LRIG1: variants seen among roughly 807,000 people sequenced by gnomAD.
LRIG1 encodes leucine rich repeats and immunoglobulin like domains 1.
LRIG1 carries 48 observed loss-of-function variants against 99.2 expected under a neutral mutation model. The observed-to-expected ratio is 0.48, with a 90% CI of 0.38 to 0.62. LRIG1 has a LOEUF of 0.62. LRIG1 is among the 20% of genes least tolerant of loss of function. LRIG1 has a pLI of 0.00. For missense variants in LRIG1, 1,646 were observed against 1,434.4 expected (o/e 1.15, Z -2.38); for synonymous variants, 772 against 596.1 (o/e 1.29, Z -4.30).
intron 1 of LRIG1, among the ~76,000 whole-genome samples, chr3:66,475,696 G>A (rs1700706511): frequency 6.6e-6 from 1 of 152,290 alleles, no homozygotes; most frequent in South Asian, 2.1e-4. Flanking sequence ...CATAAGCACA[G>A]GGAGAAAACC....
At chr3:66,435,496 G>A (rs117578317) in intron 3 of LRIG1, among the ~76,000 whole-genome samples, 39 of 152,262 alleles carry the variant, frequency 2.6e-4, no homozygotes, top group Admixed American at 5.9e-4. Context: ...GAAGAATCAC[G>A]TAAACCTGGA....
At chr3:66,422,563 T>C (rs1006296059) in intron 3 of LRIG1, among the ~76,000 whole-genome samples, 6 of 152,220 alleles carry the variant, frequency 3.9e-5, no homozygotes, top group Non-Finnish European at 5.9e-5. Context: ...CTGGACATTA[T>C]TGTTCATGTC....
intron 1 of LRIG1, among the ~76,000 whole-genome samples, chr3:66,478,106 C>T (rs548370157): frequency 2.0e-5 from 3 of 152,214 alleles, no homozygotes; most frequent in Admixed American, 1.3e-4. Context: ...AATCCTATCA[C>T]CTCCACCATC....
chr3:66,483,805 G>A (rs1700905318), intron 1 of LRIG1, among the ~76,000 whole-genome samples: 4 of 150,764 alleles, frequency 2.7e-5, no homozygotes, highest in Non-Finnish European at 5.9e-5. Context: ...GGGCACCGCG[G>A]GCTCCCTCGC....
chr3:66,489,617 A>G (rs1228377568), intron 1 of LRIG1, among the ~76,000 whole-genome samples: 2 of 152,152 alleles, frequency 1.3e-5, no homozygotes, highest in Non-Finnish European at 2.9e-5. Flanking sequence ...TTTAATTCTT[A>G]CCATCCAATG....
At chr3:66,460,868 G>A (rs9810656) in intron 2 of LRIG1, among the ~76,000 whole-genome samples, 3,820 of 152,264 alleles carry the variant, frequency 0.025, 167 homozygotes, top group African/African-American at 0.085. Flanking sequence ...AACTGTGGAA[G>A]CCTAAACCTT....
intron 2 of LRIG1, among the ~76,000 whole-genome samples, chr3:66,459,876 A>C (rs1489383885): frequency 6.6e-6 from 1 of 152,230 alleles, no homozygotes; most frequent in African/African-American, 2.4e-5. Context: ...TCAAGACAAA[A>C]TCAGCAACAG....
chr3:66,435,231 G>GA (rs1195279824), intron 3 of LRIG1, among the ~76,000 whole-genome samples: 2 of 152,036 alleles, frequency 1.3e-5, no homozygotes, highest in Non-Finnish European at 2.9e-5. Context: ...AACTCTAAAT[G>GA]AAAAAACTAC....
intron 3 of LRIG1, among the ~76,000 whole-genome samples, chr3:66,430,850 A>G (rs1703147872): frequency 6.6e-6 from 1 of 152,168 alleles, no homozygotes; most frequent in South Asian, 2.1e-4. Context: ...GCTTTTGCTC[A>G]GGGCCAACAT....
At chr3:66,410,488 C>T (rs138493482) in intron 6 of LRIG1, among the ~76,000 whole-genome samples, 31 of 152,272 alleles carry the variant, frequency 2.0e-4, no homozygotes, top group African/African-American at 4.3e-4. Context: ...ATGCCAAGGC[C>T]GACTCGAGTG....
intron 9 of LRIG1, among the ~76,000 whole-genome samples, chr3:66,402,449 G>A (rs1430646665): frequency 2.0e-5 from 3 of 152,174 alleles, no homozygotes; most frequent in Non-Finnish European, 2.9e-5. Context: ...AAAAATTAAG[G>A]GCAGGTCAGC....
At chr3:66,485,318 G>A (rs1403343932) in intron 1 of LRIG1, among the ~76,000 whole-genome samples, 5 of 152,106 alleles carry the variant, frequency 3.3e-5, no homozygotes, top group African/African-American at 9.7e-5. Context: ...ATCTTACAGA[G>A]CCACAAATCC....
intron 1 of LRIG1, among the ~76,000 whole-genome samples, chr3:66,495,672 A>C (rs1348562036): frequency 6.6e-6 from 1 of 152,222 alleles, no homozygotes; most frequent in Non-Finnish European, 1.5e-5. Flanking sequence ...GCCACTTTTT[A>C]AATAACTATA....
intron 2 of LRIG1, among the ~76,000 whole-genome samples, chr3:66,453,179 G>T (rs1051380774): frequency 1.3e-5 from 2 of 152,192 alleles, no homozygotes; most frequent in Non-Finnish European, 2.9e-5. Flanking sequence ...TTTTATCAGA[G>T]CAAGAAAAAC....
Position 66,383,350 on chromosome 3 carries a change from T to C in LRIG1, c.2123A>G (p.Glu708Gly). Residue 708 changes from glutamate (E) to glycine (G), a missense_variant, in exon 15 of 19, where the codon GAA becomes GGA. Physicochemically the swap from Glu to Gly is moderately conservative, Grantham distance 98. Coordinates refer to ENST00000273261, the MANE Select transcript of LRIG1 (RefSeq NM_015541.3). ...GGCTTTGCATTGGAGGGCCACTGTT[T>C]CTCCCACAGATACCACACGGTCTTC... ...PLEDRVVSVG[E>G]TVALQCKATG... is the part of the protein sequence containing the mutation. 2.5e-6 allele frequency: 4 copies of C among 1,590,436 alleles called. No homozygotes were observed. The highest frequency in any genetic ancestry group is 3.4e-6 in the Non-Finnish European group (4 of 1,163,686).
intron 3 of LRIG1, among the ~76,000 whole-genome samples, chr3:66,442,882 A>G (rs951689765): frequency 1.3e-5 from 2 of 152,042 alleles, no homozygotes; most frequent in African/African-American, 2.4e-5. Context: ...CCCCAACCCC[A>G]CAGCTGGTGT....
intron 3 of LRIG1, among the ~76,000 whole-genome samples, chr3:66,435,803 A>C (rs1703336497): frequency 6.6e-6 from 1 of 151,540 alleles, no homozygotes; most frequent in African/African-American, 2.4e-5. Flanking sequence ...TTACAACTGC[A>C]TGTGAATCAA....
At chr3:66,426,693 C>T (rs1017881452) in intron 3 of LRIG1, among the ~76,000 whole-genome samples, 1 of 152,212 alleles carries the variant, frequency 6.6e-6, no homozygotes, top group Non-Finnish European at 1.5e-5. Flanking sequence ...AGGTTCCTTA[C>T]TGGAGCCAGT....
chr3:66,387,490 G>A (rs1701433386), intron 12 of LRIG1: 1 of 152,046 alleles, frequency 6.6e-6, no homozygotes. Flanking sequence ...TAAACAAGCA[G>A]GGACTTAAGG....
Sources: allele counts gnomAD v4.1 joint callset (sites outside exome capture counted in the v4.1 genomes callset), GRCh38; gene constraint gnomAD v4.1.1; transcripts MANE v1.5; gene names NCBI Gene and HGNC (gene_info 2026-07-23, HGNC 2026-07-21).